FSHR: variants seen among roughly 807,000 people sequenced by gnomAD.
FSHR encodes follicle-stimulating hormone receptor.
FSHR carries 46 observed loss-of-function variants against 52.1 expected under a neutral mutation model. The observed-to-expected ratio is 0.88, with a 90% CI of 0.70 to 1.13. FSHR has a LOEUF of 1.13. Among genes scored for constraint, FSHR ranks in the 50% most tolerant of loss-of-function variants. The pLI, the probability that FSHR is intolerant of heterozygous loss-of-function variation, is 0.00. For missense variants in FSHR, 964 were observed against 834.6 expected, an observed-to-expected ratio of 1.16 and a Z score of -1.91; for synonymous variants, 399 against 309.6, an observed-to-expected ratio of 1.29 and a Z score of -3.03.
At chr2:49,135,632 GGAGGTTA>G (rs1672462785) in intron 1 of FSHR, among the ~76,000 whole-genome samples, 1 of 152,046 alleles carries the variant, frequency 6.6e-6, no homozygotes, top group African/African-American at 2.4e-5. Flanking sequence ...TGAACAATGT[GGAGGTTA>G]GGTTTACCAA....
chr2:49,055,373 A>C (rs941101054), intron 2 of FSHR, among the ~76,000 whole-genome samples: 5 of 151,564 alleles, frequency 3.3e-5, no homozygotes, highest in Non-Finnish European at 2.9e-5. Flanking sequence ...GAAAGTCTAC[A>C]AAATTTATGA....
intron 1 of FSHR, among the ~76,000 whole-genome samples, chr2:49,134,134 C>T (rs543686081): frequency 6.6e-6 from 1 of 152,102 alleles, no homozygotes; most frequent in South Asian, 2.1e-4. Context: ...AACAGGCAAC[C>T]TACAGAATGG....
In FSHR at chr2:48,963,729, G is replaced by T. The variant is rs1269125579; in HGVS notation, c.1092C>A (p.Ile364=). 1 of 1,614,176 alleles carries T rather than the reference G, an allele frequency of 6.2e-7. No homozygotes were observed. The highest frequency in any genetic ancestry group is 8.5e-7 in the Non-Finnish European group (1 of 1,180,022). The change falls in exon 10 of 10, where the codon ATC becomes ATA. Residue 364 remains isoleucine, a synonymous_variant. Transcript: ENST00000406846. ...NPCEDIMGYN[I]LRVLIWFISI... is the part of the protein sequence containing the mutation. The stretch of plus-strand genomic sequence containing the variant: ...TGATAAACCATATCAGGACTCTGAG[G>T]ATGTTGTACCCCATGATATCTTCAC...
chr2:48,979,314 G>A lies in FSHR; in HGVS notation c.668+3598C>T, dbSNP rs1444535497. On this transcript the variant is annotated intron_variant, in intron 8 of 9. Coordinates refer to ENST00000406846, the MANE Select transcript of FSHR (RefSeq NM_000145.4). ...AAAATGGCCAGGTGTGGTGGTGCAC[G>A]CTTGTAGTCCCAGCTACTCAGAAGG... Among the ~76,000 whole-genome samples, 17 of 152,232 alleles carry A rather than the reference G, an allele frequency of 1.1e-4. No individual in the cohort carries two copies. The South Asian group carries it at 2.1e-3, about 19-fold the overall frequency.
In FSHR at chr2:49,057,730, C is replaced by T. The variant is rs192286464; in HGVS notation, c.224+10489G>A. 4.3e-3 allele frequency among the ~76,000 whole-genome samples: 657 copies of T among 152,132 alleles called. 8 individuals are homozygous for T. The highest frequency in any genetic ancestry group is 0.015 in the African/African-American group (603 of 41,506). On this transcript the variant is annotated intron_variant, in intron 2 of 9. Coordinates refer to ENST00000406846, the MANE Select transcript of FSHR (RefSeq NM_000145.4). ...CAAGGACATAGCAAAAAAAAGAAAA[C>T]GTAGGCCAATATCCCTGATGAAGAT... is the stretch of plus-strand genomic sequence containing the variant.
chr2:49,038,630 AATAATAATAATAATAATAATAAT>A (rs1668374021), intron 2 of FSHR, among the ~76,000 whole-genome samples: 5 of 47,958 alleles, frequency 1.0e-4, no homozygotes, highest in African/African-American at 1.9e-4. Flanking sequence ...GTCTCAAAAT[AATAATAATAATAATAATAATAAT>A]AATAATAATA....
intron 4 of FSHR, among the ~76,000 whole-genome samples, chr2:49,010,440 T>C (rs1667227315): frequency 6.6e-6 from 1 of 152,224 alleles, no homozygotes; most frequent in Admixed American, 6.5e-5. Flanking sequence ...CAGTATTTTA[T>C]TGAAGATTTT....
intron 6 of FSHR, among the ~76,000 whole-genome samples, chr2:48,984,985 G>C (rs1193895406): frequency 6.6e-6 from 1 of 152,108 alleles, no homozygotes; most frequent in Non-Finnish European, 1.5e-5. Flanking sequence ...ATTATGTTCA[G>C]AACTGCTGCC....
At chr2:48,964,796 C>A (rs112763271) in intron 9 of FSHR, among the ~76,000 whole-genome samples, 1 of 152,136 alleles carries the variant, frequency 6.6e-6, no homozygotes, top group Admixed American at 6.5e-5. Flanking sequence ...GCCTTGTCAA[C>A]AGGATAGAGG....
At chr2:49,064,080 G>T (rs1033398659) in intron 2 of FSHR, among the ~76,000 whole-genome samples, 2 of 151,944 alleles carry the variant, frequency 1.3e-5, no homozygotes, top group African/African-American at 4.8e-5. Flanking sequence ...GTGTGTGTGT[G>T]TGTGTGTTTG....
chr2:49,110,124 AAT>A (rs1482277189), intron 1 of FSHR, among the ~76,000 whole-genome samples: 1 of 152,144 alleles, frequency 6.6e-6, no homozygotes, highest in Non-Finnish European at 1.5e-5. Context: ...CTTCATATTT[AAT>A]ATGTCATTAC....
At chr2:49,066,204 G>T (rs541905838) in intron 2 of FSHR, among the ~76,000 whole-genome samples, 92 of 152,244 alleles carry the variant, frequency 6.0e-4, no homozygotes, top group Non-Finnish European at 2.8e-4. Flanking sequence ...AATTTATACA[G>T]AATACTTTTC....
At chr2:48,989,553 T>C (rs142811145) in intron 5 of FSHR, among the ~76,000 whole-genome samples, 2 of 152,302 alleles carry the variant, frequency 1.3e-5, no homozygotes, top group East Asian at 3.9e-4. Context: ...AAGTACTGGA[T>C]TAGAGCCACT....
chr2:49,021,855 CTCTCTCTCTA>C (rs1265919546), intron 2 of FSHR, among the ~76,000 whole-genome samples: 2 of 36,844 alleles, frequency 5.4e-5, no homozygotes, highest in Non-Finnish European at 9.8e-5. Flanking sequence ...CTCTCTCTCT[CTCTCTCTCTA>C]TATATATATA....
chr2:49,086,793 A>G (rs1244788950), intron 1 of FSHR, among the ~76,000 whole-genome samples: 2 of 152,140 alleles, frequency 1.3e-5, no homozygotes, highest in African/African-American at 2.4e-5. Flanking sequence ...GGTGCCCGCC[A>G]TCATGTCTGG....
intron 6 of FSHR, 61 bp from the exon 7 acceptor site, chr2:48,983,227 A>G: frequency 2.0e-6 from 3 of 1,510,902 alleles, no homozygotes; most frequent in Non-Finnish European, 2.8e-6. Flanking sequence ...CACGGGTTTC[A>G]TAATTGGAAG....
chr2:49,035,990 G>A (rs1668258430), intron 2 of FSHR, among the ~76,000 whole-genome samples: 1 of 152,174 alleles, frequency 6.6e-6, no homozygotes, highest in African/African-American at 2.4e-5. Flanking sequence ...GAAAAGTTCA[G>A]CAACACTTCT....
chr2:49,056,571 G>T lies in FSHR; in HGVS notation c.224+11648C>A, dbSNP rs184562659. The stretch of plus-strand genomic sequence containing the variant: ...AGACCGCAATACATTAGTAGTTGGA[G>T]ACTTCAACACCCTACTCTCAGCATT... On this transcript the variant is annotated intron_variant, in intron 2 of 9. Coordinates refer to ENST00000406846, the MANE Select transcript of FSHR (RefSeq NM_000145.4). 9.9e-5 allele frequency among the ~76,000 whole-genome samples: 15 copies of T among 151,534 alleles called. No individual in the cohort carries two copies. In the East Asian group the frequency reaches 2.3e-3, roughly 23 times the overall value.
chr2:49,021,886 T>TATAGAGAGAGAGAG (rs1273265515), intron 2 of FSHR, among the ~76,000 whole-genome samples: 4 of 25,126 alleles, frequency 1.6e-4, no homozygotes, highest in Non-Finnish European at 2.2e-4. Context: ...TATATATATA[T>TATAGAGAGAGAGAG]AGAGAGAGAG....
Sources: allele counts gnomAD v4.1 joint callset (sites outside exome capture counted in the v4.1 genomes callset), GRCh38; gene constraint gnomAD v4.1.1; transcripts MANE v1.5; gene names NCBI Gene and HGNC (gene_info 2026-07-23, HGNC 2026-07-21).